The following CACNA1D variants were observed in gnomAD, a reference collection of about 807,000 sequenced individuals.
The protein encoded by CACNA1D is voltage-dependent L-type calcium channel subunit alpha-1D.
Under a neutral mutation model 257.1 loss-of-function variants are expected in CACNA1D, and 55 were observed. The observed-to-expected ratio is 0.21, with a 90% confidence interval of 0.17 to 0.27. CACNA1D has a LOEUF of 0.27. Among genes scored for constraint, CACNA1D ranks in the 10% least tolerant of loss-of-function variants. The pLI is 1.00. For synonymous variants in CACNA1D, 980 were observed against 1,014.9 expected (o/e 0.97, Z 0.65); for missense variants, 1,876 against 2,784.0 (o/e 0.67, Z 7.34).
chr3:53,635,233 GAC>G (rs1468484308), intron 3 of CACNA1D, among the ~76,000 whole-genome samples: 1 of 152,158 alleles, frequency 6.6e-6, no homozygotes, highest in Non-Finnish European at 1.5e-5. Flanking sequence ...GGACACATGT[GAC>G]ACACAGTTTC....
At chr3:53,697,597 C>T (rs920760651) in intron 8 of CACNA1D, among the ~76,000 whole-genome samples, 11 of 152,108 alleles carry the variant, frequency 7.2e-5, no homozygotes, top group African/African-American at 2.4e-4. Context: ...TATAGAACAA[C>T]CCCAAGAATA....
At chr3:53,574,750 T>C (rs2107709232) in intron 3 of CACNA1D, among the ~76,000 whole-genome samples, 1 of 151,850 alleles carries the variant, frequency 6.6e-6, no homozygotes, top group Non-Finnish European at 1.5e-5. Context: ...CTCACTCATA[T>C]GCACTAATTA....
Position 53,673,168 on chromosome 3 carries a change from A to C in CACNA1D, c.1220+42A>C. ...TCATCTTGAAAGCAGAGTCCTGAGG[A>C]CAGTTGCCAAGACCACACAAGCTTT... On this transcript the variant is annotated intron_variant, in intron 8 of 47. Transcript: ENST00000350061. The surrounding 1 kb of genome is among the most constrained non-coding windows in gnomAD (Gnocchi z 4.1). The C allele has an allele frequency of 7.3e-7, 1 of 1,374,278 alleles. No homozygotes were observed. Among genetic ancestry groups the C allele is most frequent in the Non-Finnish European group, 1.0e-6 (1 of 986,114 alleles). 85.1% of individuals were successfully genotyped at this position (1,374,278 alleles called of 1,614,324 possible).
intron 3 of CACNA1D, among the ~76,000 whole-genome samples, chr3:53,611,029 T>G (rs1157371212): frequency 2.0e-5 from 3 of 152,156 alleles, no homozygotes; most frequent in Non-Finnish European, 4.4e-5. Flanking sequence ...GGATTGACAG[T>G]TTTTCTTGCA....
At chr3:53,706,239 A>G (rs551981095) in intron 9 of CACNA1D, among the ~76,000 whole-genome samples, 25 of 152,182 alleles carry the variant, frequency 1.6e-4, no homozygotes, top group Non-Finnish European at 3.2e-4. Flanking sequence ...TTGAGGATTG[A>G]AGTGACAGTG....
At chr3:53,522,743 G>GT (rs1312003402) in intron 3 of CACNA1D, among the ~76,000 whole-genome samples, 1 of 152,094 alleles carries the variant, frequency 6.6e-6, no homozygotes, top group Non-Finnish European at 1.5e-5. Context: ...GGTAATTAGG[G>GT]TATCCGCCAC....
At chr3:53,605,300 G>A (rs1234501047) in intron 3 of CACNA1D, among the ~76,000 whole-genome samples, 1 of 152,074 alleles carries the variant, frequency 6.6e-6, no homozygotes, top group African/African-American at 2.4e-5. Context: ...GGACAAATGA[G>A]GTATCATTTT....
At chr3:53,599,408 G>A (rs1033189033) in intron 3 of CACNA1D, among the ~76,000 whole-genome samples, 4 of 151,906 alleles carry the variant, frequency 2.6e-5, no homozygotes, top group Non-Finnish European at 5.9e-5. Context: ...AGCATATACA[G>A]GATTTTTTTT....
chr3:53,701,714 G>C (rs926119033), intron 8 of CACNA1D, among the ~76,000 whole-genome samples: 2 of 152,234 alleles, frequency 1.3e-5, no homozygotes, highest in Non-Finnish European at 2.9e-5. Flanking sequence ...GATGCAGATG[G>C]TTCCTCATAT....
At chr3:53,732,151 C>A in intron 18 of CACNA1D, 69 bp downstream of exon 18, 3 of 1,238,640 alleles carry the variant, frequency 2.4e-6, no homozygotes, top group Non-Finnish European at 3.6e-6. Context: ...GACCACCTGC[C>A]GAGTCTGCGG....
chr3:53,679,990 T>C (rs1278245281), intron 8 of CACNA1D, among the ~76,000 whole-genome samples: 1 of 152,212 alleles, frequency 6.6e-6, no homozygotes, highest in Non-Finnish European at 1.5e-5. Flanking sequence ...CATTTATATA[T>C]ACTTTTGAAC....
At chr3:53,618,252 G>A (rs919268911) in intron 3 of CACNA1D, among the ~76,000 whole-genome samples, 1 of 152,216 alleles carries the variant, frequency 6.6e-6, no homozygotes, top group African/African-American at 2.4e-5. Flanking sequence ...GGGCTGGGCT[G>A]ACGGGCACCA....
At chr3:53,588,550 G>A (rs912294886) in intron 3 of CACNA1D, among the ~76,000 whole-genome samples, 1 of 152,146 alleles carries the variant, frequency 6.6e-6, no homozygotes, top group African/African-American at 2.4e-5. Context: ...ATTTGTGGAG[G>A]TGACTGACAG....
In CACNA1D at chr3:53,791,179, C is replaced by T. The variant is rs1011468371; in HGVS notation, c.4923+4227C>T. 183 of 602,210 alleles carry T rather than the reference C, an allele frequency of 3.0e-4. 1 individual carries two copies. The highest frequency in any genetic ancestry group is 1.4e-4 in the Non-Finnish European group (49 of 338,074). The allele number at this position is 602,210 out of a possible 1,614,324, so 37.3% of individuals were successfully genotyped here. A position where few individuals can be genotyped will look rare whatever the true frequency, so the allele number is the denominator to read the frequency against. ...ACCCCTTCCAAGCAAAGCACTCCTC[C>T]GGAAGGTGGAAGCGGGGCCGTGGCT... On this transcript the variant is annotated intron_variant, in intron 40 of 47. Coordinates refer to ENST00000350061, the MANE Select transcript of CACNA1D (RefSeq NM_001128840.3).
chr3:53,801,957 C>A (rs2095538329), intron 42 of CACNA1D, among the ~76,000 whole-genome samples, 190 bp from the exon 43 acceptor site: 1 of 152,202 alleles, frequency 6.6e-6, no homozygotes, highest in Admixed American at 6.5e-5. Context: ...GTTTTTCAAT[C>A]CTTTATAACA....
chr3:53,604,897 T>C (rs923822878), intron 3 of CACNA1D, among the ~76,000 whole-genome samples: 2 of 152,178 alleles, frequency 1.3e-5, no homozygotes, highest in African/African-American at 2.4e-5. Context: ...AGTAGCATGC[T>C]CACCCCTGAT....
At chr3:53,682,004 G>A (rs779360072) in intron 8 of CACNA1D, among the ~76,000 whole-genome samples, 2 of 152,196 alleles carry the variant, frequency 1.3e-5, no homozygotes, top group Non-Finnish European at 2.9e-5. Context: ...AAAGGAAAGA[G>A]ACTGGCCGGC....
chr3:53,694,672 G>C (rs1206078194), intron 8 of CACNA1D, among the ~76,000 whole-genome samples: 1 of 152,164 alleles, frequency 6.6e-6, no homozygotes, highest in East Asian at 1.9e-4. Context: ...AAAGACATTT[G>C]GAGGACTCTA....
chr3:53,666,321 T>C lies in CACNA1D; in HGVS notation c.920-18T>C. On this transcript the variant is annotated intron_variant, in intron 6 of 47. Coordinates refer to ENST00000350061, the MANE Select transcript of CACNA1D (RefSeq NM_001128840.3). The stretch of plus-strand genomic sequence containing the variant: ...TGTTTCTGTCCTGAGCGGTACAGCC[T>C]GTTTGCTCTGTTTGCAGATATCGTA... 1 of 1,611,234 alleles carries C rather than the reference T, an allele frequency of 6.2e-7. No homozygotes were observed. Among genetic ancestry groups the C allele is most frequent in the Non-Finnish European group, 8.5e-7 (1 of 1,178,120 alleles).
Sources: gnomAD v4.1 joint callset for allele counts (sites outside exome capture counted in the v4.1 genomes callset) on GRCh38, gnomAD v4.1.1 for gene constraint, Gnocchi (gnomAD v3.1) non-coding constraint, MANE v1.5 for transcripts, NCBI Gene and HGNC (gene_info 2026-07-23, HGNC 2026-07-21) for gene names.